Variants in RBFOX1 observed in about 807,000 individuals in gnomAD.
The protein encoded by RBFOX1 is RNA binding protein fox-1 homolog 1.
RBFOX1 carries 8 observed loss-of-function variants against 57.7 expected under a neutral mutation model. The ratio of observed to expected loss-of-function variants is 0.14; its 90% CI spans 0.08 to 0.25. The LOEUF (loss-of-function observed/expected upper bound fraction) is 0.25. RBFOX1 is among the 10% of genes least tolerant of loss of function. RBFOX1 has a pLI of 1.00. For synonymous variants in RBFOX1, 326 were observed against 222.4 expected, an observed-to-expected ratio of 1.47 and a Z score of -4.15; for missense variants, 611 against 548.5, an observed-to-expected ratio of 1.11 and a Z score of -1.14.
chr16:6,193,946 G>A (rs1039825316), intron 1 of RBFOX1, among the ~76,000 whole-genome samples: 4 of 152,060 alleles, frequency 2.6e-5, no homozygotes, highest in Admixed American at 1.3e-4. Context: ...TCTGACCTCC[G>A]CCTCTTGGCT....
chr16:5,491,165 T>C (rs1462024802), intron 2 of RBFOX1, among the ~76,000 whole-genome samples: 1 of 152,048 alleles, frequency 6.6e-6, no homozygotes, highest in Non-Finnish European at 1.5e-5. Context: ...TGTGACTATG[T>C]AATAAACACA....
At chr16:6,233,135 G>A (rs2097478114) in intron 1 of RBFOX1, among the ~76,000 whole-genome samples, 1 of 152,136 alleles carries the variant, frequency 6.6e-6, no homozygotes, top group Non-Finnish European at 1.5e-5. Context: ...CTGGAAAGTG[G>A]GTATGAGCCC....
At chr16:6,395,021 G>T (rs1253837284) in intron 2 of RBFOX1, among the ~76,000 whole-genome samples, 1 of 152,176 alleles carries the variant, frequency 6.6e-6, no homozygotes, top group Non-Finnish European at 1.5e-5. Flanking sequence ...AAATTAAATG[G>T]CTGGCCAATG....
intron 4 of RBFOX1, among the ~76,000 whole-genome samples, chr16:5,892,623 A>G (rs1320778100): frequency 6.6e-6 from 1 of 152,244 alleles, no homozygotes; most frequent in Non-Finnish European, 1.5e-5. Flanking sequence ...GGTGGAATGC[A>G]TCGCGGAATC....
intron 4 of RBFOX1, among the ~76,000 whole-genome samples, chr16:7,078,803 C>A (rs1337793134): frequency 2.0e-5 from 3 of 150,498 alleles, no homozygotes; most frequent in Non-Finnish European, 4.4e-5. Context: ...CTGCCTCATC[C>A]TCCCGAGTAG....
At chr16:5,911,029 A>G (rs9928116) in intron 4 of RBFOX1, among the ~76,000 whole-genome samples, 15,554 of 152,122 alleles carry the variant, frequency 0.1, 1,417 homozygotes, top group African/African-American at 0.24. Flanking sequence ...TCTTATCTGT[A>G]ATCATACCCC....
intron 3 of RBFOX1, among the ~76,000 whole-genome samples, chr16:5,784,538 C>T (rs1175916306): frequency 1.3e-5 from 2 of 152,164 alleles, no homozygotes; most frequent in African/African-American, 4.8e-5. Flanking sequence ...TAATAACTCA[C>T]TCACTGGACA....
intron 3 of RBFOX1, among the ~76,000 whole-genome samples, chr16:6,864,656 G>A (rs973410162): frequency 6.6e-6 from 1 of 150,846 alleles, no homozygotes. Context: ...ATTTGTTCTT[G>A]ATGGAAAATT....
intron 2 of RBFOX1, among the ~76,000 whole-genome samples, chr16:6,594,647 A>G (rs908017334): frequency 6.6e-5 from 10 of 152,070 alleles, no homozygotes; most frequent in African/African-American, 2.2e-4. Flanking sequence ...AAGTATGTTC[A>G]GGTTGTGGAT....
chr16:6,694,297 T>C (rs1568246314), intron 3 of RBFOX1, among the ~76,000 whole-genome samples: 1 of 152,200 alleles, frequency 6.6e-6, no homozygotes, highest in African/African-American at 2.4e-5. Context: ...TTCTGTCTTA[T>C]TTATCTTGAC....
chr16:6,074,020 C>T (rs540625666), intron 1 of RBFOX1, among the ~76,000 whole-genome samples: 1 of 152,118 alleles, frequency 6.6e-6, no homozygotes, highest in East Asian at 1.9e-4. Flanking sequence ...GCAATCTCAG[C>T]TCACTGCAAG....
At chr16:6,640,603 A>G (rs1356912218) in intron 2 of RBFOX1, among the ~76,000 whole-genome samples, 1 of 150,806 alleles carries the variant, frequency 6.6e-6, no homozygotes, top group Non-Finnish European at 1.5e-5. Flanking sequence ...GTAAGACTCC[A>G]TTGCCAAATA....
At chr16:7,688,343 A>T (rs1438857194) in intron 14 of RBFOX1, among the ~76,000 whole-genome samples, 1 of 151,976 alleles carries the variant, frequency 6.6e-6, no homozygotes. Flanking sequence ...ATCGATCCTG[A>T]GATATATTTA....
intron 14 of RBFOX1, among the ~76,000 whole-genome samples, chr16:7,681,668 G>A (rs749558574): frequency 8.5e-5 from 13 of 152,052 alleles, no homozygotes; most frequent in Non-Finnish European, 1.8e-4. Flanking sequence ...TATTTTTGTA[G>A]GAAGGTTAAT....
At chr16:7,278,306 A>G (rs2095478912) in intron 4 of RBFOX1, among the ~76,000 whole-genome samples, 1 of 152,242 alleles carries the variant, frequency 6.6e-6, no homozygotes, top group Admixed American at 6.5e-5. Flanking sequence ...TAATGCTTAA[A>G]GAGAGATCAA....
intron 2 of RBFOX1, among the ~76,000 whole-genome samples, chr16:6,602,190 T>G (rs911050967): frequency 6.6e-6 from 1 of 152,198 alleles, no homozygotes; most frequent in Non-Finnish European, 1.5e-5. Context: ...CTGTTGAATT[T>G]TAGGAGTTCT....
At chr16:5,762,292 G>C (rs2053619678) in intron 3 of RBFOX1, among the ~76,000 whole-genome samples, 1 of 150,124 alleles carries the variant, frequency 6.7e-6, no homozygotes, top group Non-Finnish European at 1.5e-5. Context: ...AGCAACAAAG[G>C]ATTTAAAAGT....
intron 2 of RBFOX1, among the ~76,000 whole-genome samples, chr16:5,486,310 G>A (rs1226224916): frequency 6.6e-6 from 1 of 152,186 alleles, no homozygotes; most frequent in Non-Finnish European, 1.5e-5. Context: ...GAAGGACAAG[G>A]GGGCTCAATG....
intron 2 of RBFOX1, among the ~76,000 whole-genome samples, chr16:5,567,832 T>A (rs2046128406): frequency 6.6e-6 from 1 of 152,106 alleles, no homozygotes; most frequent in Non-Finnish European, 1.5e-5. Context: ...GATCATTATA[T>A]TCGTTAATCC....
Sources: gnomAD v4.1 joint callset for allele counts (sites outside exome capture counted in the v4.1 genomes callset) on GRCh38, gnomAD v4.1.1 for gene constraint, MANE v1.5 for transcripts, NCBI Gene and HGNC (gene_info 2026-07-23, HGNC 2026-07-21) for gene names.